PCSK6: variants seen among roughly 807,000 people sequenced by gnomAD.
PCSK6 encodes the protein paired basic amino acid cleaving enzyme 4.
Under a neutral mutation model 123.3 loss-of-function variants are expected in PCSK6, and 85 were observed. The observed-to-expected ratio is 0.69, with a 90% CI of 0.58 to 0.83. The LOEUF is 0.83. Ranked by LOEUF, PCSK6 falls within the 40% of genes least tolerant of loss-of-function variation. The pLI, the probability that PCSK6 is intolerant of heterozygous loss-of-function variation, is 0.00. For missense variants in PCSK6, 1,191 were observed against 1,282.3 expected (o/e 0.93, Z 1.09); for synonymous variants, 508 against 516.0 (o/e 0.98, Z 0.21).
intron 1 of PCSK6, among the ~76,000 whole-genome samples, chr15:101,447,094 A>AT (rs1409287736): frequency 6.6e-6 from 1 of 152,116 alleles, no homozygotes; most frequent in Non-Finnish European, 1.5e-5. Flanking sequence ...TGATACAGCC[A>AT]TTGCTGTCTC....
chr15:101,313,031 C>T, intron 20 of PCSK6: 1 of 1,185,884 alleles, frequency 8.4e-7, no homozygotes, highest in South Asian at 1.9e-5. Flanking sequence ...TAACCCAAAA[C>T]ATGGTTTCTC....
In PCSK6 at chr15:101,389,505, G is replaced by A. The variant is rs751966607; in HGVS notation, c.1269C>T (p.Ala423=). Residue 423 remains alanine, a synonymous_variant, in exon 9 of 22, where the codon GCC becomes GCT. Transcript: ENST00000611716. ...TDGHTGTSVS[A]PMVAGIIALA... ...AGGCGATGATGCCCGCCACCATGGGGGCAGAGACTGAGGTCCCAGTGTGGC... is the reference window on the plus strand; with the variant it reads ...AGGCGATGATGCCCGCCACCATGGGAGCAGAGACTGAGGTCCCAGTGTGGC... 1.2e-6 allele frequency: 2 copies of A among 1,613,490 alleles called. No homozygotes were observed. Among genetic ancestry groups the A allele is most frequent in the African/African-American group, 1.3e-5 (1 of 74,926 alleles).
chr15:101,409,844 G>A (rs2042894344), intron 6 of PCSK6, among the ~76,000 whole-genome samples: 1 of 152,222 alleles, frequency 6.6e-6, no homozygotes, highest in East Asian at 1.9e-4. Context: ...CTCAAAGGAT[G>A]CCGCATGGGG....
intron 13 of PCSK6, among the ~76,000 whole-genome samples, chr15:101,348,932 C>T (rs939063102): frequency 2.0e-5 from 3 of 152,224 alleles, no homozygotes; most frequent in Non-Finnish European, 4.4e-5. Flanking sequence ...TCACTCAAGT[C>T]GCCTGGATAA....
chr15:101,396,307 A>G (rs1419887169), intron 7 of PCSK6, among the ~76,000 whole-genome samples: 5 of 152,082 alleles, frequency 3.3e-5, no homozygotes, highest in Admixed American at 3.3e-4. Flanking sequence ...CTGCAGCTCC[A>G]ACCTCCCCAA....
intron 1 of PCSK6, among the ~76,000 whole-genome samples, chr15:101,462,552 G>A (rs2057363312): frequency 6.6e-6 from 1 of 152,120 alleles, no homozygotes; most frequent in South Asian, 2.1e-4. Context: ...AGTCTGTGAG[G>A]CACTGGGTCA....
chr15:101,426,176 G>C (rs2056248919), intron 6 of PCSK6, among the ~76,000 whole-genome samples: 2 of 152,184 alleles, frequency 1.3e-5, no homozygotes, highest in African/African-American at 4.8e-5. Context: ...CAGCAAGAGG[G>C]AAGGAGGAGC....
intron 10 of PCSK6, among the ~76,000 whole-genome samples, chr15:101,383,852 A>G (rs1283978409): frequency 6.6e-6 from 1 of 150,634 alleles, no homozygotes; most frequent in East Asian, 1.9e-4. Flanking sequence ...GATGTAGTAC[A>G]GTTTCCTTTT....
At chr15:101,431,596 C>T (rs1290683628) in intron 3 of PCSK6, 133 bp from the exon 4 acceptor site, 2 of 1,044,298 alleles carry the variant, frequency 1.9e-6, no homozygotes, top group African/African-American at 1.6e-5. Flanking sequence ...CCCTGCCTTA[C>T]ATAGCAGAGC....
chr15:101,366,421 C>G, intron 12 of PCSK6, 89 bp from the exon 13 acceptor site: 1 of 1,377,832 alleles, frequency 7.3e-7, no homozygotes, highest in Non-Finnish European at 9.9e-7. Flanking sequence ...TCTCGGGGGA[C>G]TGTATGACCT....
chr15:101,362,290 G>T (rs1175135511), intron 13 of PCSK6, among the ~76,000 whole-genome samples: 2 of 152,204 alleles, frequency 1.3e-5, no homozygotes, highest in African/African-American at 4.8e-5. Flanking sequence ...AAGCAAGAAA[G>T]AGGCAGTTTG....
At position 101,393,257 on chromosome 15, in the gene PCSK6, G is replaced by A. The variant is rs1567186341; in HGVS notation, c.1164C>T (p.Thr388=). ...CCCCACTGCTGTAGGTGGTGGCCAG[G>A]GTGGAGGCACACTCTTCCAGGTACC... ...KPWYLEECAS[T]LATTYSSGAF... is the part of the protein sequence containing the mutation. Residue 388 remains threonine, a synonymous_variant, in exon 8 of 22, where the codon ACC becomes ACT. Coordinates refer to ENST00000611716, the MANE Select transcript of PCSK6 (RefSeq NM_002570.5). The A allele has an allele frequency of 6.8e-6, 11 of 1,613,586 alleles. No individual in the cohort carries two copies. Among genetic ancestry groups the A allele is most frequent in the Non-Finnish European group, 9.3e-6 (11 of 1,179,932 alleles).
intron 17 of PCSK6, among the ~76,000 whole-genome samples, chr15:101,323,150 C>A (rs1292722301): frequency 6.6e-6 from 1 of 152,228 alleles, no homozygotes; most frequent in Non-Finnish European, 1.5e-5. Context: ...TCATGAAACA[C>A]CACCATGCAC....
At chr15:101,471,669 C>G (rs1329216819) in intron 1 of PCSK6, among the ~76,000 whole-genome samples, 1 of 152,164 alleles carries the variant, frequency 6.6e-6, no homozygotes, top group Admixed American at 6.5e-5. Flanking sequence ...ATGAAACAAG[C>G]AAAAGTAAAT....
intron 2 of PCSK6, among the ~76,000 whole-genome samples, chr15:101,439,023 T>G (rs2056682756): frequency 6.6e-6 from 1 of 152,170 alleles, no homozygotes; most frequent in Non-Finnish European, 1.5e-5. Context: ...AGAGGATCCC[T>G]CAGGAGCATG....
intron 1 of PCSK6, 59 bp downstream of exon 1, chr15:101,489,315 C>G: frequency 9.4e-7 from 1 of 1,062,078 alleles, no homozygotes; most frequent in Non-Finnish European, 1.1e-6. Flanking sequence ...AGGCGCCCCC[C>G]TCGCGCGCGC....
At chr15:101,440,430 C>G (rs1246977659) in intron 2 of PCSK6, among the ~76,000 whole-genome samples, 1 of 151,368 alleles carries the variant, frequency 6.6e-6, no homozygotes, top group Non-Finnish European at 1.5e-5. Flanking sequence ...GCTGACACCC[C>G]CTTGAGTTTT....
chr15:101,481,538 T>C (rs138884033), intron 1 of PCSK6, among the ~76,000 whole-genome samples: 2 of 149,116 alleles, frequency 1.3e-5, no homozygotes, highest in South Asian at 2.1e-4. Flanking sequence ...GGCGGTGGGG[T>C]GGGGCAGGAG....
intron 1 of PCSK6, among the ~76,000 whole-genome samples, chr15:101,471,961 C>T (rs901838106): frequency 2.0e-5 from 3 of 152,170 alleles, no homozygotes; most frequent in Non-Finnish European, 4.4e-5. Context: ...TAAAAGAGTG[C>T]TCACTGAATG....
Sources: gnomAD v4.1 joint callset for allele counts (sites outside exome capture counted in the v4.1 genomes callset) on GRCh38, gnomAD v4.1.1 for gene constraint, MANE v1.5 for transcripts, NCBI Gene and HGNC (gene_info 2026-07-23, HGNC 2026-07-21) for gene names.